Variants in SLC39A11 observed in about 807,000 individuals in gnomAD.
SLC39A11 encodes the protein zinc transporter ZIP11.
Under a neutral mutation model 36.1 loss-of-function variants are expected in SLC39A11, and 33 were observed. That is an observed-to-expected ratio of 0.91 (90% confidence interval 0.69 to 1.22). The LOEUF is 1.22. Among genes scored for constraint, SLC39A11 ranks in the 50% most tolerant of loss-of-function variants. The pLI, the probability that SLC39A11 is intolerant of heterozygous loss-of-function variation, is 0.00. For synonymous variants in SLC39A11, 166 were observed against 170.3 expected, an observed-to-expected ratio of 0.97 and a Z score of 0.20; for missense variants, 432 against 430.3, an observed-to-expected ratio of 1.00 and a Z score of -0.03.
At chr17:73,040,561 ATTAT>A (rs1004180357) in intron 3 of SLC39A11, among the ~76,000 whole-genome samples, 1 of 152,228 alleles carries the variant, frequency 6.6e-6, no homozygotes, top group African/African-American at 2.4e-5. Flanking sequence ...ATGTGTCATG[ATTAT>A]TTATGTAAGA....
At chr17:72,947,687 C>T (rs994959508) in intron 5 of SLC39A11, 65 bp downstream of exon 5, 1 of 1,610,058 alleles carries the variant, frequency 6.2e-7, no homozygotes, top group Non-Finnish European at 8.5e-7. Context: ...GCCCCCACGT[C>T]CATATTGCCT....
At chr17:72,823,464 T>G (rs1051096105) in intron 6 of SLC39A11, 2 of 151,294 alleles carry the variant, frequency 1.3e-5, no homozygotes, top group African/African-American at 2.4e-5. Context: ...GTCTTTAAAG[T>G]GGCACAAATT....
intron 5 of SLC39A11, among the ~76,000 whole-genome samples, chr17:72,909,741 TTC>T (rs1305955987): frequency 4.0e-5 from 4 of 101,106 alleles, no homozygotes; most frequent in African/African-American, 1.0e-4. Context: ...TTTCTTTTTT[TTC>T]TTTTTTCTTT....
rs199540313 is a variant in SLC39A11, at chr17:72,648,817, G to A, written c.915C>T (p.Pro305=). ...MVYVVMDDII[P]EAQISGNGKL... is the part of the protein sequence containing the mutation. ...GGTTCTCCAACCTGATCTGGGCTTCGGGGATGATGTCGTCCATGACCACGT... is the reference window on the plus strand; with the variant it reads ...GGTTCTCCAACCTGATCTGGGCTTCAGGGATGATGTCGTCCATGACCACGT... The change falls in exon 9 of 10, where the codon CCC becomes CCT. Residue 305 remains proline, a synonymous_variant. Coordinates refer to ENST00000255559, the MANE Select transcript of SLC39A11 (RefSeq NM_139177.4). 2.5e-4 allele frequency: 404 copies of A among 1,614,166 alleles called. No homozygotes were observed. The highest frequency in any genetic ancestry group is 6.0e-4 in the Admixed American group (36 of 60,026).
intron 7 of SLC39A11, among the ~76,000 whole-genome samples, chr17:72,668,578 G>C (rs2044437313): frequency 6.6e-6 from 1 of 152,134 alleles, no homozygotes; most frequent in Non-Finnish European, 1.5e-5. Context: ...CAGAGGGGTA[G>C]AAAAAAGGAA....
chr17:72,664,602 C>T (rs114247986), intron 7 of SLC39A11, among the ~76,000 whole-genome samples: 2,792 of 152,302 alleles, frequency 0.018, 71 homozygotes, highest in African/African-American at 0.06. Flanking sequence ...AGCCTCCTAA[C>T]CAGTCTCCCT....
intron 5 of SLC39A11, among the ~76,000 whole-genome samples, chr17:72,867,108 C>CATTA: frequency 6.6e-6 from 1 of 152,258 alleles, no homozygotes; most frequent in East Asian, 1.9e-4. Flanking sequence ...AAAGTAGTAA[C>CATTA]ATTAAAGCAT....
At chr17:72,704,481 T>C (rs1358716888) in intron 7 of SLC39A11, among the ~76,000 whole-genome samples, 3 of 151,316 alleles carry the variant, frequency 2.0e-5, no homozygotes, top group Non-Finnish European at 4.4e-5. Flanking sequence ...TCCTAAGGAA[T>C]AACAGTAAAG....
intron 5 of SLC39A11, among the ~76,000 whole-genome samples, chr17:72,904,659 C>A (rs550713883): frequency 1.3e-5 from 2 of 152,304 alleles, no homozygotes; most frequent in Non-Finnish European, 2.9e-5. Context: ...CTAACTGGGC[C>A]CCGGTTTGTT....
Position 72,945,400 on chromosome 17 carries a change from T to A in SLC39A11, c.430+2352A>T, listed in dbSNP as rs903444243. 5.9e-5 allele frequency among the ~76,000 whole-genome samples: 9 copies of A among 152,348 alleles called. No individual in the cohort carries two copies. In the East Asian group the frequency reaches 1.5e-3, roughly 26 times the overall value. ...TCACTAAATACCCATTAAACCCATC[T>A]CCTTGCTCCATTTACAGCAAGCTTA... On this transcript the variant is annotated intron_variant, in intron 5 of 9. Transcript: ENST00000255559.
intron 4 of SLC39A11, among the ~76,000 whole-genome samples, chr17:72,954,416 C>T (rs2086098425): frequency 1.3e-5 from 2 of 152,348 alleles, no homozygotes; most frequent in Non-Finnish European, 2.9e-5. Context: ...CCAAGTGTTA[C>T]ACGCCAGTGG....
chr17:73,006,677 C>CAT (rs751339537), intron 4 of SLC39A11, among the ~76,000 whole-genome samples: 1 of 147,104 alleles, frequency 6.8e-6, no homozygotes, highest in East Asian at 2.1e-4. Flanking sequence ...CACACACACA[C>CAT]ATGCACACAC....
chr17:72,979,813 G>A (rs2088165103), intron 4 of SLC39A11, among the ~76,000 whole-genome samples: 2 of 152,116 alleles, frequency 1.3e-5, no homozygotes, highest in Admixed American at 1.3e-4. Context: ...TCAAACCTAT[G>A]CTACTGCCCA....
intron 6 of SLC39A11, among the ~76,000 whole-genome samples, chr17:72,769,282 A>G (rs1181374730): frequency 1.3e-5 from 2 of 152,204 alleles, no homozygotes; most frequent in African/African-American, 4.8e-5. Flanking sequence ...CGTGTCACTC[A>G]TATACAGTGT....
At chr17:72,789,935 G>C (rs1424263248) in intron 6 of SLC39A11, among the ~76,000 whole-genome samples, 1 of 152,136 alleles carries the variant, frequency 6.6e-6, no homozygotes, top group Non-Finnish European at 1.5e-5. Flanking sequence ...AATTTAACTG[G>C]GTTTTTCTGA....
intron 5 of SLC39A11, among the ~76,000 whole-genome samples, chr17:72,871,656 A>AT (rs912841241): frequency 6.6e-6 from 1 of 152,172 alleles, no homozygotes; most frequent in Non-Finnish European, 1.5e-5. Flanking sequence ...GGGTGCTGGA[A>AT]GGGTGACATG....
chr17:72,819,753 G>A (rs955944981), intron 6 of SLC39A11, among the ~76,000 whole-genome samples: 2 of 151,340 alleles, frequency 1.3e-5, no homozygotes, highest in South Asian at 4.2e-4. Context: ...TGGGAAGTAG[G>A]TGGCACAGAA....
intron 5 of SLC39A11, among the ~76,000 whole-genome samples, chr17:72,868,667 A>C (rs2080446453): frequency 6.8e-6 from 1 of 146,952 alleles, no homozygotes; most frequent in South Asian, 2.2e-4. Context: ...AAAATTAGCC[A>C]GGTGGGGTGG....
intron 3 of SLC39A11, 77 bp from the exon 4 acceptor site, chr17:73,031,791 G>A (rs2058747370): frequency 2.0e-6 from 3 of 1,474,624 alleles, no homozygotes; most frequent in South Asian, 2.4e-5. Context: ...GTTGCTCTCT[G>A]TGGCCCAGAT....
Sources: allele counts gnomAD v4.1 joint callset (sites outside exome capture counted in the v4.1 genomes callset), GRCh38; gene constraint gnomAD v4.1.1; transcripts MANE v1.5; gene names NCBI Gene and HGNC (gene_info 2026-07-23, HGNC 2026-07-21).